The following EPN2 variants were observed in gnomAD, a reference collection of about 807,000 sequenced individuals.
EPN2 encodes epsin-2.
EPN2 carries 34 observed loss-of-function variants against 61.7 expected under a neutral mutation model. The ratio of observed to expected loss-of-function variants is 0.55; its 90% confidence interval spans 0.42 to 0.73. The LOEUF (loss-of-function observed/expected upper bound fraction) is 0.73. EPN2 is among the 30% of genes least tolerant of loss of function. The probability of loss-of-function intolerance (pLI) is 0.00; values close to 1 mark genes in which losing one functional copy is unlikely to be tolerated. For missense variants in EPN2, 714 were observed against 839.2 expected (o/e 0.85, Z 1.84); for synonymous variants, 349 against 353.6 (o/e 0.99, Z 0.15).
intron 7 of EPN2, among the ~76,000 whole-genome samples, chr17:19,316,208 C>T (rs1447715249): frequency 3.9e-5 from 6 of 152,152 alleles, no homozygotes; most frequent in Non-Finnish European, 7.3e-5. Context: ...AGATAGAAAC[C>T]TGGATTTTTG....
chr17:19,327,878 C>T (rs1056047798), intron 7 of EPN2, among the ~76,000 whole-genome samples: 9 of 152,232 alleles, frequency 5.9e-5, no homozygotes, highest in South Asian at 2.1e-4. Flanking sequence ...CCCTGAGAGG[C>T]GGCAGTGGTG....
intron 1 of EPN2, among the ~76,000 whole-genome samples, chr17:19,256,945 GAAA>G (rs1371572214): frequency 6.6e-6 from 1 of 151,886 alleles, no homozygotes; most frequent in Non-Finnish European, 1.5e-5. Flanking sequence ...CTTTAAAAAA[GAAA>G]AAAATTCCCA....
chr17:19,308,465 G>A, intron 4 of EPN2: 1 of 985,420 alleles, frequency 1.0e-6, no homozygotes, highest in Non-Finnish European at 1.2e-6. Flanking sequence ...GTCTGTGCAT[G>A]CATGTAAGCC....
chr17:19,328,707 A>G lies in EPN2; in HGVS notation c.1148-4A>G, dbSNP rs1475750115. On this transcript the variant is annotated splice_region_variant and splice_polypyrimidine_tract_variant and intron_variant, in intron 7 of 10. Transcript: ENST00000314728. Reference sequence around the variant, plus strand: ...TTCTGAGCCCTGACCCTGCCTTCCAACAGGTACCAAGCCAGCTGCCTCCAT... The same window carrying G: ...TTCTGAGCCCTGACCCTGCCTTCCAGCAGGTACCAAGCCAGCTGCCTCCAT... 7 of 1,599,868 alleles carry G rather than the reference A, an allele frequency of 4.4e-6. No homozygotes were observed. The highest frequency in any genetic ancestry group is 6.0e-6 in the Non-Finnish European group (7 of 1,170,946).
chr17:19,321,841 C>T (rs1178573057), intron 7 of EPN2, among the ~76,000 whole-genome samples: 2 of 152,160 alleles, frequency 1.3e-5, no homozygotes, highest in East Asian at 1.9e-4. Context: ...TGTGTTGTGT[C>T]ACCGCAGTCC....
intron 1 of EPN2, among the ~76,000 whole-genome samples, chr17:19,272,471 A>G (rs2045264614): frequency 1.3e-5 from 2 of 152,088 alleles, no homozygotes; most frequent in Admixed American, 6.5e-5. Context: ...TGGAGATGGC[A>G]GGGAATTGAA....
intron 6 of EPN2, chr17:19,312,896 T>G: frequency 1.8e-6 from 1 of 555,876 alleles, no homozygotes; most frequent in East Asian, 3.3e-5. Context: ...GTGAGGGGGT[T>G]TAGCAAACAG....
intron 9 of EPN2, among the ~76,000 whole-genome samples, chr17:19,330,364 T>A (rs1254646330): frequency 2.6e-5 from 4 of 152,078 alleles, no homozygotes; most frequent in African/African-American, 9.7e-5. Flanking sequence ...ACCACCTCTA[T>A]CCCAGTCTCT....
At chr17:19,282,673 T>G (rs2045369609) in intron 2 of EPN2, 1 of 154,438 alleles carries the variant, frequency 6.5e-6, no homozygotes, top group Middle Eastern at 3.2e-3. Flanking sequence ...TGCCAGGCAG[T>G]GAAAAGACAA....
At chr17:19,302,150 T>G (rs991267947) in intron 4 of EPN2, among the ~76,000 whole-genome samples, 10 of 152,224 alleles carry the variant, frequency 6.6e-5, no homozygotes, top group Non-Finnish European at 8.8e-5. Context: ...ACTGCACCCC[T>G]AGGCCTCAGC....
At chr17:19,239,407 C>T (rs1234214997) in intron 1 of EPN2, among the ~76,000 whole-genome samples, 5 of 152,266 alleles carry the variant, frequency 3.3e-5, no homozygotes, top group African/African-American at 1.2e-4. Flanking sequence ...CCACCTCGGC[C>T]TCCCAAAGTG....
chr17:19,258,520 A>T (rs561499924), intron 1 of EPN2, among the ~76,000 whole-genome samples: 1 of 152,180 alleles, frequency 6.6e-6, no homozygotes. Flanking sequence ...GGAAATTGGC[A>T]GTGGGTGTCA....
chr17:19,281,788 C>T (rs1435232201), intron 1 of EPN2, among the ~76,000 whole-genome samples, 167 bp from the exon 2 acceptor site: 1 of 152,142 alleles, frequency 6.6e-6, no homozygotes, highest in African/African-American at 2.4e-5. Flanking sequence ...CCCCTTGCTT[C>T]CTATCCGGGC....
chr17:19,283,837 C>T lies in EPN2; in HGVS notation c.595+123C>T. On this transcript the variant is annotated intron_variant, in intron 3 of 10. Coordinates refer to ENST00000314728, the MANE Select transcript of EPN2 (RefSeq NM_014964.5). The surrounding 1 kb of genome is among the most constrained non-coding windows in gnomAD (Gnocchi z 7.0). The stretch of plus-strand genomic sequence containing the variant: ...AGAGCTCGAACCTGTCCTCAGTACC[C>T]AGCTTTTGGTGGCCCAGGCAAATTG... The T allele has an allele frequency of 1.4e-6, 1 of 726,200 alleles. No individual in the cohort carries two copies. The highest frequency in any genetic ancestry group is 1.9e-5 in the South Asian group (1 of 52,266). 45.0% of individuals were successfully genotyped at this position (726,200 alleles called of 1,614,324 possible). A position where few individuals can be genotyped will look rare whatever the true frequency, so the allele number is the denominator to read the frequency against.
At chr17:19,280,836 C>G (rs4924970) in intron 1 of EPN2, among the ~76,000 whole-genome samples, 6,076 of 152,152 alleles carry the variant, frequency 0.04, 519 homozygotes, top group East Asian at 0.27. Context: ...GGGCTCAGTC[C>G]CACAAGAACA....
At chr17:19,258,536 T>G (rs1268553327) in intron 1 of EPN2, among the ~76,000 whole-genome samples, 1 of 152,194 alleles carries the variant, frequency 6.6e-6, no homozygotes, top group Non-Finnish European at 1.5e-5. Flanking sequence ...TGTCAGCATA[T>G]TCTTTCCACA....
At chr17:19,244,187 G>A (rs1030662529) in intron 1 of EPN2, among the ~76,000 whole-genome samples, 2 of 152,196 alleles carry the variant, frequency 1.3e-5, no homozygotes, top group Admixed American at 6.5e-5. Context: ...GGGGCTGGGT[G>A]CAGTGGCTCA....
chr17:19,286,907 C>T lies in EPN2; in HGVS notation c.766+1117C>T, dbSNP rs1007679981. 3.3e-5 allele frequency among the ~76,000 whole-genome samples: 5 copies of T among 152,178 alleles called. No homozygotes were observed. The East Asian group carries it at 9.6e-4, about 29-fold the overall frequency. ...GGGTCACCCAGAGGCATTGGAGTTA[C>T]ATGCCCATTTCACCCCCCCAGATAG... On this transcript the variant is annotated intron_variant, in intron 4 of 10. Transcript: ENST00000314728.
chr17:19,267,845 A>G (rs555511150), intron 1 of EPN2, among the ~76,000 whole-genome samples: 5 of 152,302 alleles, frequency 3.3e-5, no homozygotes, highest in African/African-American at 9.6e-5. Flanking sequence ...CCGGCCAATC[A>G]GCTTTTATAG....
Sources: gnomAD v4.1 joint callset for allele counts (sites outside exome capture counted in the v4.1 genomes callset) on GRCh38, gnomAD v4.1.1 for gene constraint, Gnocchi (gnomAD v3.1) non-coding constraint, MANE v1.5 for transcripts, NCBI Gene and HGNC (gene_info 2026-07-23, HGNC 2026-07-21) for gene names.